The following PCDHGA2 variants were observed in gnomAD, a reference collection of about 807,000 sequenced individuals.
The protein encoded by PCDHGA2 is protocadherin gamma subfamily A, 2.
A neutral mutation model predicts 59.2 loss-of-function variants in PCDHGA2; 40 were observed. That is an observed-to-expected ratio of 0.68 (90% CI 0.52 to 0.88). The LOEUF (loss-of-function observed/expected upper bound fraction) is 0.88, where lower values mean the gene tolerates loss of function less well. PCDHGA2 is among the 40% of genes least tolerant of loss of function. The pLI is 0.00. For missense variants in PCDHGA2, 1,226 were observed against 1,204.0 expected, an observed-to-expected ratio of 1.02 and a Z score of -0.27; for synonymous variants, 560 against 526.0, an observed-to-expected ratio of 1.06 and a Z score of -0.89.
intron 1 of PCDHGA2, chr5:141,370,230 C>T (rs1002647727): frequency 3.7e-5 from 22 of 587,906 alleles, no homozygotes; most frequent in African/African-American, 5.6e-5. Context: ...GCAGCCAGCT[C>T]GGAAGAAAAG....
chr5:141,385,360 T>C, intron 1 of PCDHGA2: 1 of 1,545,774 alleles, frequency 6.5e-7, no homozygotes, highest in South Asian at 1.3e-5. Context: ...ATGAGGAATT[T>C]ATTTGCATGA....
At position 141,390,009 on chromosome 5, in the gene PCDHGA2, A is replaced by G. The variant is rs200734314; in HGVS notation, c.2424+48614A>G. The G allele has an allele frequency of 4.0e-3, 6,510 of 1,613,890 alleles. 27 individuals carry two copies. Among genetic ancestry groups the G allele is most frequent in the Non-Finnish European group, 4.8e-3 (5,639 of 1,179,872 alleles). ...CTTCCTCGTGGCCATGATTCTGGCCATTGCCTTGCGCCTGCGACGCTCCTC... is the reference window on the plus strand; with the variant it reads ...CTTCCTCGTGGCCATGATTCTGGCCGTTGCCTTGCGCCTGCGACGCTCCTC... On this transcript the variant is annotated intron_variant, in intron 1 of 3. Coordinates refer to ENST00000394576, the MANE Select transcript of PCDHGA2 (RefSeq NM_018915.4).
chr5:141,494,909 T>G (rs764123148), intron 2 of PCDHGA2, 44 bp downstream of exon 2: 1 of 1,614,042 alleles, frequency 6.2e-7, no homozygotes, highest in Admixed American at 1.7e-5. Flanking sequence ...CTGCGGCATT[T>G]TCTCAGGGAT....
intron 1 of PCDHGA2, among the ~76,000 whole-genome samples, chr5:141,362,928 G>A (rs1457664363): frequency 6.6e-6 from 1 of 152,184 alleles, no homozygotes; most frequent in Non-Finnish European, 1.5e-5. Context: ...AGTAAAGAGA[G>A]TCTTCATTTT....
rs1370450155 is a variant in PCDHGA2, at chr5:141,431,480, G to T, written c.2425-63327G>T. On this transcript the variant is annotated intron_variant, in intron 1 of 3. Coordinates refer to ENST00000394576, the MANE Select transcript of PCDHGA2 (RefSeq NM_018915.4). This position sits in a 1 kb window ranked among gnomAD's most constrained non-coding sequence, Gnocchi z 4.8. Reference sequence around the variant, plus strand: ...TCTGGATGCGAACGACAACGCACCAGCGTTTGCTCAGCCCGAGTACCGCGC... The same window carrying T: ...TCTGGATGCGAACGACAACGCACCATCGTTTGCTCAGCCCGAGTACCGCGC... 3 of 1,613,924 alleles carry T rather than the reference G, an allele frequency of 1.9e-6. No individual in the cohort carries two copies. Among genetic ancestry groups the T allele is most frequent in the Non-Finnish European group, 2.5e-6 (3 of 1,179,990 alleles).
intron 1 of PCDHGA2, chr5:141,371,778 G>A (rs1305768606): frequency 6.2e-7 from 1 of 1,614,002 alleles, no homozygotes; most frequent in Non-Finnish European, 8.5e-7. Context: ...CGTGCATGTA[G>A]CTGAGAACAA....
At chr5:141,409,847 C>T (rs2095325421) in intron 1 of PCDHGA2, 3 of 1,611,712 alleles carry the variant, frequency 1.9e-6, no homozygotes, top group East Asian at 2.2e-5. Context: ...CGTGAGCCTG[C>T]GCGTGTTGGT....
At chr5:141,351,416 G>C in intron 1 of PCDHGA2, 1 of 1,611,528 alleles carries the variant, frequency 6.2e-7, no homozygotes, top group South Asian at 1.1e-5. Context: ...TCAGGAAGAA[G>C]TTCCTTTCAA....
Position 141,375,204 on chromosome 5 carries a change from G to A in PCDHGA2, c.2424+33809G>A, listed in dbSNP as rs368044815. 218 of 1,613,850 alleles carry A rather than the reference G, an allele frequency of 1.4e-4. No individual in the cohort carries two copies. The highest frequency in any genetic ancestry group is 1.7e-4 in the Non-Finnish European group (204 of 1,179,898). ...ATCGCCCTTTTTCAAGTGTTCGATC[G>A]AGACTCTGGCCTGAATGGCCTGGTA... On this transcript the variant is annotated intron_variant, in intron 1 of 3. Coordinates refer to ENST00000394576, the MANE Select transcript of PCDHGA2 (RefSeq NM_018915.4).
chr5:141,461,037 G>T (rs1254497108), intron 1 of PCDHGA2, among the ~76,000 whole-genome samples: 1 of 150,988 alleles, frequency 6.6e-6, no homozygotes, highest in Non-Finnish European at 1.5e-5. Flanking sequence ...CCACTCATTA[G>T]TCGATGGGGA....
At chr5:141,398,075 A>T in intron 1 of PCDHGA2, 1 of 1,592,106 alleles carries the variant, frequency 6.3e-7, no homozygotes, top group Non-Finnish European at 8.6e-7. Flanking sequence ...TACAGAGGTT[A>T]TTTGTAACCT....
At chr5:141,365,656 A>C in intron 1 of PCDHGA2, 2 of 1,613,518 alleles carry the variant, frequency 1.2e-6, no homozygotes. Flanking sequence ...CCTTGAAAGT[A>C]GCAGACGTTA....
At chr5:141,460,961 ATGTGTG>A (rs35821115) in intron 1 of PCDHGA2, among the ~76,000 whole-genome samples, 6 of 144,616 alleles carry the variant, frequency 4.1e-5, no homozygotes, top group South Asian at 4.4e-4. Flanking sequence ...GTATATATAT[ATGTGTG>A]TGTGTGTGTG....
intron 1 of PCDHGA2, chr5:141,389,112 C>G (rs376966829): frequency 1.2e-6 from 2 of 1,613,966 alleles, no homozygotes; most frequent in Non-Finnish European, 1.7e-6. Context: ...TGTTCTAGAC[C>G]GCGAGCAGAA....
intron 1 of PCDHGA2, chr5:141,357,807 T>C: frequency 2.6e-6 from 2 of 772,824 alleles, no homozygotes; most frequent in Non-Finnish European, 4.0e-6. Flanking sequence ...AAATGTTGTT[T>C]ATTACTTATC....
chr5:141,363,741 C>T (rs1763049748), intron 1 of PCDHGA2, among the ~76,000 whole-genome samples: 1 of 152,096 alleles, frequency 6.6e-6, no homozygotes, highest in African/African-American at 2.4e-5. Context: ...GGTTTGTTTC[C>T]TTGGTATTCT....
At chr5:141,478,063 A>G in intron 1 of PCDHGA2, 1 of 1,614,168 alleles carries the variant, frequency 6.2e-7, no homozygotes, top group Non-Finnish European at 8.5e-7. Context: ...TCTTGATCAA[A>G]GACAATGGGG....
At chr5:141,478,940 T>C in intron 1 of PCDHGA2, 2 of 584,636 alleles carry the variant, frequency 3.4e-6, no homozygotes, top group South Asian at 2.7e-5. Flanking sequence ...CTTCTAGGAA[T>C]ACAAAAACTA....
At chr5:141,351,856 C>G (rs1177291995) in intron 1 of PCDHGA2, 3 of 1,613,094 alleles carry the variant, frequency 1.9e-6, no homozygotes, top group Non-Finnish European at 1.7e-6. Context: ...AGGCCAGGGA[C>G]CAGGGCTCCC....
Sources: allele counts gnomAD v4.1 joint callset (sites outside exome capture counted in the v4.1 genomes callset), GRCh38; gene constraint gnomAD v4.1.1; non-coding constraint Gnocchi (gnomAD v3.1); transcripts MANE v1.5; gene names NCBI Gene and HGNC (gene_info 2026-07-23, HGNC 2026-07-21).